CTNNA1: variants seen among roughly 807,000 people sequenced by gnomAD.
CTNNA1 encodes the protein catenin alpha-1.
A neutral mutation model predicts 98.4 loss-of-function variants in CTNNA1; 37 were observed. The observed-to-expected ratio is 0.38, with a 90% confidence interval of 0.29 to 0.49. The LOEUF is 0.49. CTNNA1 is among the 20% of genes least tolerant of loss of function. The pLI, the probability that CTNNA1 is intolerant of heterozygous loss-of-function variation, is 0.95. For missense variants in CTNNA1, 761 were observed against 1,147.2 expected (o/e 0.66, Z 4.86); for synonymous variants, 404 against 413.2 (o/e 0.98, Z 0.27).
chr5:138,933,722 C>CCCCTT, intron 17 of CTNNA1, 80 bp from the exon 18 acceptor site: 1 of 1,459,054 alleles, frequency 6.9e-7, no homozygotes, highest in Non-Finnish European at 9.3e-7. Context: ...GTAGGGGGCT[C>CCCCTT]CCCTTCAAGC....
intron 1 of CTNNA1, among the ~76,000 whole-genome samples, chr5:138,776,761 C>A (rs1754269978): frequency 6.7e-6 from 1 of 149,836 alleles, no homozygotes; most frequent in Non-Finnish European, 1.5e-5. Context: ...GGCAGAAGCG[C>A]CCCTCACCTC....
intron 13 of CTNNA1, among the ~76,000 whole-genome samples, chr5:138,927,435 C>T: frequency 6.6e-6 from 1 of 152,156 alleles, no homozygotes; most frequent in Admixed American, 6.5e-5. Context: ...GTTCCCTGGG[C>T]CAATGCCCCT....
At chr5:138,772,161 T>A (rs1753626003) in intron 1 of CTNNA1, among the ~76,000 whole-genome samples, 2 of 152,374 alleles carry the variant, frequency 1.3e-5, no homozygotes, top group South Asian at 4.1e-4. Flanking sequence ...TCATTGCTTC[T>A]CAATTTCTCT....
intron 7 of CTNNA1, among the ~76,000 whole-genome samples, chr5:138,882,496 G>GTGGAT (rs1753134661): frequency 6.6e-6 from 1 of 152,124 alleles, no homozygotes; most frequent in African/African-American, 2.4e-5. Flanking sequence ...TCAATGTAGG[G>GTGGAT]CACTTTTTAT....
Position 138,873,181 on chromosome 5 carries a change from C to T in CTNNA1, c.1063-13031C>T, listed in dbSNP as rs764220122. ...ATCGGAGCTGCCTGTGGTTCTGAAC[C>T]ATTGAGCACTGCCTAATTCTTCTTA... On this transcript the variant is annotated intron_variant, in intron 7 of 17. Transcript: ENST00000302763. The surrounding 1 kb of genome is among the most constrained non-coding windows in gnomAD (Gnocchi z 6.1). 6.2e-7 allele frequency: 1 copy of T among 1,613,940 alleles called. No homozygotes were observed. The highest frequency in any genetic ancestry group is 8.5e-7 in the Non-Finnish European group (1 of 1,179,880).
chr5:138,759,387 A>G (rs1049343628), intron 1 of CTNNA1, among the ~76,000 whole-genome samples: 5 of 152,218 alleles, frequency 3.3e-5, no homozygotes, highest in Non-Finnish European at 7.3e-5. Context: ...CGCATGCACC[A>G]TGGTAACTTT....
chr5:138,859,513 A>G lies in CTNNA1; in HGVS notation c.1063-26699A>G, dbSNP rs187111068. 9.8e-4 allele frequency among the ~76,000 whole-genome samples: 150 copies of G among 152,294 alleles called. 2 individuals are homozygous for G. The highest frequency in any genetic ancestry group is 3.4e-3 in the African/African-American group (143 of 41,556). On this transcript the variant is annotated intron_variant, in intron 7 of 17. Transcript: ENST00000302763. The stretch of plus-strand genomic sequence containing the variant: ...TACTTGGACGACTAATAAACATTCT[A>G]ACTTTAACATGTCATATATTGAATC...
intron 7 of CTNNA1, among the ~76,000 whole-genome samples, chr5:138,846,835 T>C (rs1762769192): frequency 6.6e-6 from 1 of 152,224 alleles, no homozygotes; most frequent in Non-Finnish European, 1.5e-5. Context: ...GCAGGGTGTC[T>C]TCTCTCTGAA....
chr5:138,909,357 C>A (rs1379207510), intron 10 of CTNNA1, among the ~76,000 whole-genome samples: 5 of 151,410 alleles, frequency 3.3e-5, no homozygotes, highest in African/African-American at 9.7e-5. Flanking sequence ...TTCCTCCCCC[C>A]CCACCCTTTT....
rs1581119353 is a variant in CTNNA1, at chr5:138,812,218, C to T, written c.504C>T (p.Gly168=). 2.5e-6 allele frequency: 4 copies of T among 1,613,402 alleles called. No individual in the cohort carries two copies. Among genetic ancestry groups the T allele is most frequent in the African/African-American group, 1.3e-5 (1 of 74,966 alleles). ...GTATCTTGAAGTTGAGGAATGCTGG[C>T]AATGAACAAGACTTAGGAATCCAGT... ...EDGILKLRNA[G]NEQDLGIQYK... Residue 168 remains glycine (G), a synonymous_variant, in exon 5 of 18, where the codon GGC becomes GGT. Transcript: ENST00000302763.
chr5:138,783,446 T>C (rs1360957904), intron 3 of CTNNA1, 74 bp downstream of exon 3: 2 of 1,319,930 alleles, frequency 1.5e-6, no homozygotes, highest in African/African-American at 3.0e-5. Context: ...ATTTTTTTTG[T>C]GGTCAGTATT....
In CTNNA1 at chr5:138,890,924, A is replaced by G. The variant is rs1462708447; in HGVS notation, c.1296+3282A>G. Among the ~76,000 whole-genome samples, 4 of 151,964 alleles carry G rather than the reference A, an allele frequency of 2.6e-5. No individual in the cohort carries two copies. In the East Asian group the frequency reaches 7.7e-4, roughly 29 times the overall value. ...GACCAGACCAGACAAATTATATAAT[A>G]CCTCCCCATCTTAAAGGTATGTGGA... On this transcript the variant is annotated intron_variant, in intron 9 of 17. Transcript: ENST00000302763.
Position 138,933,822 on chromosome 5 carries a change from G to A in CTNNA1, c.2454G>A (p.Leu818=), listed in dbSNP as rs563523226. The A allele has an allele frequency of 1.2e-6, 2 of 1,613,772 alleles. No homozygotes were observed. Among genetic ancestry groups the A allele is most frequent in the African/African-American group, 2.7e-5 (2 of 75,050 alleles). Residue 818 remains leucine (L), a synonymous_variant, in exon 18 of 18, where the codon CTG becomes CTA. Transcript: ENST00000302763. ...VVSGVDSAMS[L]IQAAKNLMNA... ...CGTAGGTGGACAGCGCCATGTCCCT[G>A]ATCCAGGCAGCCAAGAACTTGATGA...
At chr5:138,878,684 C>CAA (rs1752202160) in intron 7 of CTNNA1, among the ~76,000 whole-genome samples, 2 of 152,144 alleles carry the variant, frequency 1.3e-5, no homozygotes, top group East Asian at 3.8e-4. Context: ...AGAGTTATTC[C>CAA]CCTACTTGGA....
intron 10 of CTNNA1, among the ~76,000 whole-genome samples, chr5:138,908,933 C>A (rs1160878079): frequency 6.6e-6 from 1 of 152,030 alleles, no homozygotes; most frequent in Non-Finnish European, 1.5e-5. Flanking sequence ...TGGGAAGAGA[C>A]CAGAATCTGT....
intron 4 of CTNNA1, among the ~76,000 whole-genome samples, chr5:138,811,790 C>T (rs1183340026): frequency 3.3e-5 from 5 of 152,138 alleles, no homozygotes; most frequent in Admixed American, 6.5e-5. Flanking sequence ...TGGCAGCGCA[C>T]GCCTGCAAAT....
chr5:138,897,619 G>A (rs560416119), intron 9 of CTNNA1, among the ~76,000 whole-genome samples: 7 of 152,040 alleles, frequency 4.6e-5, no homozygotes, highest in African/African-American at 7.2e-5. Context: ...ATGTTTTCAC[G>A]AGAGAAGTTA....
chr5:138,843,868 A>G (rs1021340724), intron 7 of CTNNA1, among the ~76,000 whole-genome samples: 4 of 152,156 alleles, frequency 2.6e-5, no homozygotes, highest in Admixed American at 6.5e-5. Flanking sequence ...ACTGTATTCA[A>G]TTTGGGTTTC....
rs1751067170 is a variant in CTNNA1 at position 138,874,483 on chromosome 5, C to G, written c.1063-11729C>G. On this transcript the variant is annotated intron_variant, in intron 7 of 17. Coordinates refer to ENST00000302763, the MANE Select transcript of CTNNA1 (RefSeq NM_001903.5). The surrounding 1 kb of genome is among the most constrained non-coding windows in gnomAD (Gnocchi z 4.1). Reference sequence around the variant, plus strand: ...GACACGCCATACCCAGGGCAGGCAGCATTTTTAAAACCATACTCATTGCAT... The same window carrying G: ...GACACGCCATACCCAGGGCAGGCAGGATTTTTAAAACCATACTCATTGCAT... 6.2e-7 allele frequency: 1 copy of G among 1,611,962 alleles called. No homozygotes were observed. Among genetic ancestry groups the G allele is most frequent in the African/African-American group, 1.3e-5 (1 of 75,014 alleles).
Sources: gnomAD v4.1 joint callset for allele counts (sites outside exome capture counted in the v4.1 genomes callset) on GRCh38, gnomAD v4.1.1 for gene constraint, Gnocchi (gnomAD v3.1) non-coding constraint, MANE v1.5 for transcripts, NCBI Gene and HGNC (gene_info 2026-07-23, HGNC 2026-07-21) for gene names.